Variants in RBM47 observed in about 807,000 individuals in gnomAD.
RBM47 encodes the protein RNA-binding protein 47.
In RBM47, 21 loss-of-function variants were observed where a neutral mutation model predicts 47.1. The ratio of observed to expected loss-of-function variants is 0.45; its 90% CI spans 0.32 to 0.64. RBM47 has a LOEUF of 0.64. Among genes scored for constraint, RBM47 ranks in the 30% least tolerant of loss-of-function variants. RBM47 has a pLI of 0.05. For missense variants in RBM47, 708 were observed against 870.9 expected (o/e 0.81, Z 2.35); for synonymous variants, 375 against 361.7 (o/e 1.04, Z -0.42).
intron 2 of RBM47, among the ~76,000 whole-genome samples, chr4:40,481,814 A>C (rs574952393): frequency 6.6e-6 from 1 of 152,324 alleles, no homozygotes; most frequent in South Asian, 2.1e-4. Context: ...GGTCTTCCAA[A>C]GTGTTGGGAT....
At chr4:40,587,465 CA>C (rs1315277067) in intron 1 of RBM47, among the ~76,000 whole-genome samples, 3 of 152,184 alleles carry the variant, frequency 2.0e-5, no homozygotes, top group Non-Finnish European at 4.4e-5. Flanking sequence ...GGGCAGGGAA[CA>C]CACAGAAAGA....
chr4:40,589,981 GA>G (rs906023546), intron 1 of RBM47, among the ~76,000 whole-genome samples: 7 of 147,418 alleles, frequency 4.7e-5, no homozygotes, highest in Non-Finnish European at 7.5e-5. Flanking sequence ...ACGCCTATTA[GA>G]AAAAAAAAAC....
chr4:40,546,184 CTT>C lies in RBM47; in HGVS notation c.-239-1680_-239-1679del, dbSNP rs535209312. On this transcript the variant is annotated intron_variant, in intron 1 of 6. Coordinates refer to ENST00000295971, the MANE Select transcript of RBM47 (RefSeq NM_001098634.2). ...TTTTTTTTCCAGATGGAGTTTCCCTCTTGTCACCCAGGCTGGAGTGCAGTGGC... is the reference window on the plus strand; with the variant it reads ...TTTTTTTTCCAGATGGAGTTTCCCTCGTCACCCAGGCTGGAGTGCAGTGGC... Among the ~76,000 whole-genome samples, 107 of 151,868 alleles carry C rather than the reference CTT, an allele frequency of 7.0e-4. 1 individual carries two copies. Among genetic ancestry groups the C allele is most frequent in the African/African-American group, 2.5e-3 (103 of 41,430 alleles).
intron 2 of RBM47, among the ~76,000 whole-genome samples, chr4:40,511,586 T>C (rs1235961950): frequency 6.6e-6 from 1 of 152,222 alleles, no homozygotes; most frequent in Non-Finnish European, 1.5e-5. Context: ...TAAACTATCA[T>C]GAAACCATAA....
chr4:40,496,058 T>G lies in RBM47; in HGVS notation c.-154-29359A>C, dbSNP rs1722523568. Among the ~76,000 whole-genome samples, 4 of 152,318 alleles carry G rather than the reference T, an allele frequency of 2.6e-5. No individual in the cohort carries two copies. The South Asian group carries it at 8.3e-4, about 32-fold the overall frequency. On this transcript the variant is annotated intron_variant, in intron 2 of 6. Transcript: ENST00000295971. Reference sequence around the variant, plus strand: ...ATCATCCCCATCTTTCTATTCCCTTTTATTTCATCTGCCTTCTCCTGCTTT... The same window carrying G: ...ATCATCCCCATCTTTCTATTCCCTTGTATTTCATCTGCCTTCTCCTGCTTT...
intron 2 of RBM47, among the ~76,000 whole-genome samples, chr4:40,496,321 A>G (rs886856461): frequency 2.8e-5 from 4 of 140,548 alleles, no homozygotes; most frequent in African/African-American, 1.1e-4. Context: ...TCTTGGCTGG[A>G]GAACTTAAAC....
At chr4:40,468,991 C>T (rs1718455038) in intron 2 of RBM47, among the ~76,000 whole-genome samples, 1 of 152,212 alleles carries the variant, frequency 6.6e-6, no homozygotes, top group Non-Finnish European at 1.5e-5. Flanking sequence ...CATCTACTAG[C>T]TAAGTAAATC....
chr4:40,620,430 G>A (rs1040416603), intron 1 of RBM47, among the ~76,000 whole-genome samples: 1 of 152,036 alleles, frequency 6.6e-6, no homozygotes. Flanking sequence ...GCTTGAGCCT[G>A]GGAGGTGGAG....
At chr4:40,505,054 G>C (rs914917369) in intron 2 of RBM47, among the ~76,000 whole-genome samples, 1 of 152,110 alleles carries the variant, frequency 6.6e-6, no homozygotes, top group Admixed American at 6.5e-5. Flanking sequence ...AGTTAGGCAC[G>C]GTGGCACATG....
At chr4:40,457,943 A>G (rs1716547021) in intron 3 of RBM47, among the ~76,000 whole-genome samples, 1 of 152,148 alleles carries the variant, frequency 6.6e-6, no homozygotes, top group African/African-American at 2.4e-5. Context: ...ATGAGACCCC[A>G]CCTCTAATAA....
intron 2 of RBM47, among the ~76,000 whole-genome samples, chr4:40,541,997 G>A (rs1272093114): frequency 6.6e-6 from 1 of 152,156 alleles, no homozygotes; most frequent in Non-Finnish European, 1.5e-5. Context: ...CACATTGTCT[G>A]TGAAAACCAC....
At chr4:40,551,015 ACTGAACAAGCTGCCCT>A (rs1427150525) in intron 1 of RBM47, among the ~76,000 whole-genome samples, 1 of 152,136 alleles carries the variant, frequency 6.6e-6, no homozygotes, top group African/African-American at 2.4e-5. Context: ...CCCTAGGTTC[ACTGAACAAGCTGCCCT>A]CTTGTGGTTC....
rs746854160 is a variant in RBM47, at chr4:40,423,704, C to CT, written c.*2199dup. 2 of 45,534 alleles carry CT rather than the reference C, an allele frequency of 4.4e-5. No individual in the cohort carries two copies. The highest frequency in any genetic ancestry group is 9.6e-5 in the African/African-American group (1 of 10,422). 2.8% of individuals were successfully genotyped at this position (45,534 alleles called of 1,614,324 possible). On this transcript the variant is annotated 3_prime_UTR_variant, in exon 7 of 7. Coordinates refer to ENST00000295971, the MANE Select transcript of RBM47 (RefSeq NM_001098634.2). ...TCTTTCTTTCTTTCTTTCTTTCTTT[C>CT]TTTCTTTCTTTTCTTTCTTTTCTTT...
intron 1 of RBM47, among the ~76,000 whole-genome samples, chr4:40,581,725 T>TGTGTGTGAGTGA (rs60463614): frequency 1.3e-5 from 2 of 150,818 alleles, no homozygotes; most frequent in African/African-American, 4.9e-5. Context: ...GCCTTCAGGG[T>TGTGTGTGAGTGA]GTGTGTGAAG....
chr4:40,484,623 T>G (rs777528064), intron 2 of RBM47, among the ~76,000 whole-genome samples: 3 of 152,230 alleles, frequency 2.0e-5, no homozygotes, highest in African/African-American at 7.2e-5. Context: ...GGTTAACTTA[T>G]GATGACAAAT....
At chr4:40,586,409 T>C (rs78831522) in intron 1 of RBM47, among the ~76,000 whole-genome samples, 2,759 of 151,810 alleles carry the variant, frequency 0.018, 100 homozygotes, top group African/African-American at 0.064. Context: ...TAGGGGCTTT[T>C]CTCCTGGGTG....
At chr4:40,580,931 A>G (rs572184430) in intron 1 of RBM47, among the ~76,000 whole-genome samples, 11 of 152,276 alleles carry the variant, frequency 7.2e-5, no homozygotes, top group Non-Finnish European at 1.2e-4. Context: ...AGAGCAATCT[A>G]GGCACAAACA....
Position 40,629,090 on chromosome 4 carries a change from A to C in RBM47, c.-240+306T>G, listed in dbSNP as rs147846045. 3.3e-5 allele frequency among the ~76,000 whole-genome samples: 5 copies of C among 152,120 alleles called. No homozygotes were observed. The East Asian group carries it at 9.6e-4, about 29-fold the overall frequency. On this transcript the variant is annotated intron_variant, in intron 1 of 6. Transcript: ENST00000295971. The stretch of plus-strand genomic sequence containing the variant: ...GTCACCTGTGCTTCTGGGCGGTCCA[A>C]TCATGTATTTTCAAGAGTGAAAAAA...
At position 40,425,826 on chromosome 4, in the gene RBM47, A is replaced by G. The variant is rs1714931624; in HGVS notation, c.*78T>C. On this transcript the variant is annotated 3_prime_UTR_variant, in exon 7 of 7. Coordinates refer to ENST00000295971, the MANE Select transcript of RBM47 (RefSeq NM_001098634.2). The stretch of plus-strand genomic sequence containing the variant: ...CTTTCAGGTTGCATGTGTGAATCCA[A>G]CATGTTCCTTCTTCATAAATAGTCA... 6.5e-7 allele frequency: 1 copy of G among 1,539,872 alleles called. No homozygotes were observed. Among genetic ancestry groups the G allele is most frequent in the Non-Finnish European group, 8.8e-7 (1 of 1,132,724 alleles).
Sources: allele counts gnomAD v4.1 joint callset (sites outside exome capture counted in the v4.1 genomes callset), GRCh38; gene constraint gnomAD v4.1.1; transcripts MANE v1.5; gene names NCBI Gene and HGNC (gene_info 2026-07-23, HGNC 2026-07-21).